The following SCYL1 variants were observed in gnomAD, a reference collection of about 807,000 sequenced individuals.
SCYL1 encodes the protein SCY1 like pseudokinase 1, also known as N-terminal kinase-like protein.
A neutral mutation model predicts 94.8 loss-of-function variants in SCYL1; 85 were observed. That is an observed-to-expected ratio of 0.90 (90% CI 0.75 to 1.07). SCYL1 has a LOEUF of 1.07. Among genes scored for constraint, SCYL1 ranks in the 50% least tolerant of loss-of-function variants. The pLI is 0.00. For missense variants in SCYL1, 968 were observed against 1,083.3 expected (o/e 0.89, Z 1.49); for synonymous variants, 459 against 435.5 (o/e 1.05, Z -0.67).
At position 65,536,150 on chromosome 11, in the gene SCYL1, C is replaced by G. The variant is rs1412378458; in HGVS notation, c.1575+9C>G. 1 of 1,611,836 alleles carries G rather than the reference C, an allele frequency of 6.2e-7. No individual in the cohort carries two copies. The highest frequency in any genetic ancestry group is 1.1e-5 in the South Asian group (1 of 90,836). The stretch of plus-strand genomic sequence containing the variant: ...AATCCGTGCGAGACCAGGTGAGGCA[C>G]AGCTGGGCCTGGGCCCTGGGCTGGG... On this transcript the variant is annotated intron_variant, in intron 11 of 17. Coordinates refer to ENST00000270176, the MANE Select transcript of SCYL1 (RefSeq NM_020680.4).
At chr11:65,531,754 C>T in intron 8 of SCYL1, 71 bp downstream of exon 8, 2 of 1,142,054 alleles carry the variant, frequency 1.8e-6, no homozygotes, top group South Asian at 1.2e-5. Context: ...AGGCACCTGC[C>T]CTGGCTGCAC....
In SCYL1 at chr11:65,526,193, G is replaced by A. The variant is rs371499287; in HGVS notation, c.445G>A (p.Val149Met). 41 of 1,613,358 alleles carry A rather than the reference G, an allele frequency of 2.5e-5. No individual in the cohort carries two copies. Among genetic ancestry groups the A allele is most frequent in the Non-Finnish European group, 3.1e-5 (37 of 1,180,006 alleles). Residue 149 changes from valine (V) to methionine (M), a missense_variant, in exon 4 of 18, where the codon GTG (valine) becomes ATG (methionine). Val to Met is a conservative substitution (Grantham distance 21). Coordinates refer to ENST00000270176, the MANE Select transcript of SCYL1 (RefSeq NM_020680.4). The surrounding 1 kb of genome is among the most constrained non-coding windows in gnomAD (Gnocchi z 4.1). Reference protein sequence around the residue: ...HNNVCMAAVFVDRAGEWKLGG... With the variant: ...HNNVCMAAVFMDRAGEWKLGG... Reference sequence around the variant, plus strand: ...CAATGTCTGCATGGCCGCCGTGTTCGTGGACCGAGCTGGCGAGTGGAAGCT... The same window carrying A: ...CAATGTCTGCATGGCCGCCGTGTTCATGGACCGAGCTGGCGAGTGGAAGCT...
At chr11:65,529,067 GC>G (rs1855237003) in intron 6 of SCYL1, among the ~76,000 whole-genome samples, 1 of 152,192 alleles carries the variant, frequency 6.6e-6, no homozygotes, top group Admixed American at 6.5e-5. Context: ...TCTATGCAAT[GC>G]CCGGCCCCAG....
At position 65,526,499 on chromosome 11, in the gene SCYL1, C is replaced by T. The variant is rs886923147; in HGVS notation, c.602+149C>T. 9.1e-5 allele frequency: 66 copies of T among 728,656 alleles called. 3 individuals are homozygous for T. The South Asian group carries it at 1.2e-3, about 14-fold the overall frequency. 45.1% of individuals were successfully genotyped at this position (728,656 alleles called of 1,614,324 possible). On this transcript the variant is annotated intron_variant, in intron 4 of 17. Coordinates refer to ENST00000270176, the MANE Select transcript of SCYL1 (RefSeq NM_020680.4). The surrounding 1 kb of genome is among the most constrained non-coding windows in gnomAD (Gnocchi z 4.1). The stretch of plus-strand genomic sequence containing the variant: ...CCCAGGAGTGAGGGACACTCCTCTG[C>T]CCCCAGGGTCCTCAGGGCGGTAGGG...
intron 9 of SCYL1, chr11:65,535,023 A>G (rs1855566442): frequency 1.6e-6 from 1 of 614,614 alleles, no homozygotes; most frequent in Non-Finnish European, 2.8e-6. Context: ...AGGAGTGCAG[A>G]CAGACTTTGG....
Position 65,532,695 on chromosome 11 carries a change from G to A in SCYL1, c.1120G>A (p.Glu374Lys). The change falls in exon 9 of 18, where the codon GAG becomes AAG. Residue 374 changes from glutamate to lysine, a missense_variant. Transcript: ENST00000270176. Reference sequence around the variant, plus strand: ...CGCATCCCAACCTGGGCCACAGATGGAGCAGTTCATCCAGTACCTTGACGA... The same window carrying A: ...CGCATCCCAACCTGGGCCACAGATGAAGCAGTTCATCCAGTACCTTGACGA... ...AMRIRLLQQMEQFIQYLDEPT... is the reference protein window; with the variant it reads ...AMRIRLLQQMKQFIQYLDEPT... 1 of 1,613,482 alleles carries A rather than the reference G, an allele frequency of 6.2e-7. No individual in the cohort carries two copies. Among genetic ancestry groups the A allele is most frequent in the Non-Finnish European group, 8.5e-7 (1 of 1,179,446 alleles).
At chr11:65,533,633 A>G in intron 9 of SCYL1, among the ~76,000 whole-genome samples, 1 of 151,472 alleles carries the variant, frequency 6.6e-6, no homozygotes, top group Non-Finnish European at 1.5e-5. Context: ...TACAAAAGTT[A>G]GGCGCGTATG....
chr11:65,535,055 C>G, intron 9 of SCYL1, 172 bp from the exon 10 acceptor site: 1 of 738,034 alleles, frequency 1.4e-6, no homozygotes, highest in Non-Finnish European at 2.2e-6. Context: ...TAAAGGGGGA[C>G]AGAAATGGGG....
At position 65,535,256 on chromosome 11, in the gene SCYL1, C is replaced by T. The variant is rs755526813; in HGVS notation, c.1260C>T (p.Asn420=). ...TGCTGCTCCTGGCCCCAAAGCTGAACGAGGCCAACCTCAATGTGGAGCTGA... is the reference window on the plus strand; with the variant it reads ...TGCTGCTCCTGGCCCCAAAGCTGAATGAGGCCAACCTCAATGTGGAGCTGA... ...KSMLLLAPKL[N]EANLNVELMK... is the part of the protein sequence containing the mutation. The change falls in exon 10 of 18, where the codon AAC becomes AAT. Residue 420 remains asparagine, a synonymous_variant. Coordinates refer to ENST00000270176, the MANE Select transcript of SCYL1 (RefSeq NM_020680.4). The T allele has an allele frequency of 3.8e-5, 62 of 1,614,076 alleles. No individual in the cohort carries two copies. The highest frequency in any genetic ancestry group is 2.0e-4 in the Admixed American group (12 of 60,006).
At position 65,536,751 on chromosome 11, in the gene SCYL1, G is replaced by T. The variant is rs768777716; in HGVS notation, c.1816+1G>T. The T allele has an allele frequency of 1.3e-6, 2 of 1,597,586 alleles. No individual in the cohort carries two copies. Among genetic ancestry groups the T allele is most frequent in the Non-Finnish European group, 8.6e-7 (1 of 1,168,186 alleles). On this transcript the variant is annotated splice_donor_variant, in intron 13 of 17. Coordinates refer to ENST00000270176, the MANE Select transcript of SCYL1 (RefSeq NM_020680.4). LOFTEE classifies it high-confidence loss of function. ...ATTCCCCAAAGACCCACGCCTGAAGGTGAGTGTCCTGGCCTAGCTGCATCA... is the reference window on the plus strand; with the variant it reads ...ATTCCCCAAAGACCCACGCCTGAAGTTGAGTGTCCTGGCCTAGCTGCATCA...
In SCYL1 at chr11:65,537,059, G is replaced by C. The variant is rs1345674551; in HGVS notation, c.1890G>C (p.Glu630Asp). 4 of 1,614,026 alleles carry C rather than the reference G, an allele frequency of 2.5e-6. No homozygotes were observed. Among genetic ancestry groups the C allele is most frequent in the African/African-American group, 1.3e-5 (1 of 74,924 alleles). ...TTSGHWETQE[E>D]DKDTAEDSST... The stretch of plus-strand genomic sequence containing the variant: ...CAGGCCACTGGGAGACGCAGGAGGA[G>C]GACAAGGACACAGCAGAGGACAGCA... Residue 630 changes from glutamate to aspartate, a missense_variant, in exon 14 of 18, where the codon GAG (glutamate) becomes GAC (aspartate). Coordinates refer to ENST00000270176, the MANE Select transcript of SCYL1 (RefSeq NM_020680.4).
chr11:65,536,610 G>C lies in SCYL1; in HGVS notation c.1676G>C (p.Ser559Thr). The stretch of plus-strand genomic sequence containing the variant: ...GAGAAGGATGTCCATGCAGCCTCCA[G>C]CCCTGGCATGGGAGGAGCCGCAGCT... ...EVEKDVHAAS[S>T]PGMGGAAASW... is the part of the protein sequence containing the mutation. Residue 559 changes from serine (S) to threonine (T), a missense_variant, in exon 13 of 18, where the codon AGC (serine) becomes ACC (threonine). By Grantham distance (58) the Ser-to-Thr change is moderately conservative. Transcript: ENST00000270176. 2 of 1,614,016 alleles carry C rather than the reference G, an allele frequency of 1.2e-6. No homozygotes were observed.
chr11:65,531,224 G>A (rs944350739), intron 7 of SCYL1, among the ~76,000 whole-genome samples: 6 of 152,130 alleles, frequency 3.9e-5, no homozygotes, highest in African/African-American at 1.4e-4. Context: ...ACCTTGGGGA[G>A]AACCCTTTCA....
In SCYL1 at chr11:65,535,256, C is replaced by A; in HGVS notation, c.1260C>A (p.Asn420Lys). The A allele has an allele frequency of 6.2e-7, 1 of 1,614,194 alleles. No homozygotes were observed. The highest frequency in any genetic ancestry group is 8.5e-7 in the Non-Finnish European group (1 of 1,180,012). ...KSMLLLAPKL[N>K]EANLNVELMK... is the part of the protein sequence containing the mutation. Reference sequence around the variant, plus strand: ...TGCTGCTCCTGGCCCCAAAGCTGAACGAGGCCAACCTCAATGTGGAGCTGA... The same window carrying A: ...TGCTGCTCCTGGCCCCAAAGCTGAAAGAGGCCAACCTCAATGTGGAGCTGA... The change falls in exon 10 of 18, where the codon AAC becomes AAA. Residue 420 changes from asparagine to lysine, a missense_variant. This residue lies in a region of SCYL1 where 494 missense variants were observed against 619.7 expected (regional missense o/e 0.80). Coordinates refer to ENST00000270176, the MANE Select transcript of SCYL1 (RefSeq NM_020680.4).
intron 7 of SCYL1, among the ~76,000 whole-genome samples, 161 bp from the exon 8 acceptor site, chr11:65,531,415 T>C (rs1855354137): frequency 6.6e-6 from 1 of 152,104 alleles, no homozygotes; most frequent in African/African-American, 2.4e-5. Flanking sequence ...AGGGCAAGGC[T>C]GAGATGGAAT....
Position 65,536,967 on chromosome 11 carries a change from G to A in SCYL1, c.1817-19G>A. The A allele has an allele frequency of 1.2e-6, 2 of 1,604,338 alleles. No individual in the cohort carries two copies. The highest frequency in any genetic ancestry group is 1.7e-6 in the Non-Finnish European group (2 of 1,172,362). On this transcript the variant is annotated intron_variant, in intron 13 of 17. Coordinates refer to ENST00000270176, the MANE Select transcript of SCYL1 (RefSeq NM_020680.4). Reference sequence around the variant, plus strand: ...GTCCCAAGACCCCCCTGAAAGCTCAGTGAGCCTCTGCTCCCCAGGAGTTCC... The same window carrying A: ...GTCCCAAGACCCCCCTGAAAGCTCAATGAGCCTCTGCTCCCCAGGAGTTCC...
chr11:65,525,114 C>A lies in SCYL1; in HGVS notation c.-40C>A. ...CCCCGGCTCGGGCGGCCGGAGGACCCGGAGCTAAGGCGCCCGAACCCGCGG... is the reference window on the plus strand; with the variant it reads ...CCCCGGCTCGGGCGGCCGGAGGACCAGGAGCTAAGGCGCCCGAACCCGCGG... On this transcript the variant is annotated 5_prime_UTR_variant, in exon 1 of 18. Coordinates refer to ENST00000270176, the MANE Select transcript of SCYL1 (RefSeq NM_020680.4). The A allele has an allele frequency of 7.9e-7, 1 of 1,269,974 alleles. No homozygotes were observed. The allele number at this position is 1,269,974 out of a possible 1,614,324, so 78.7% of individuals were successfully genotyped here. A position where few individuals can be genotyped will look rare whatever the true frequency, so the allele number is the denominator to read the frequency against.
rs374654060 is a variant in SCYL1 at position 65,526,972 on chromosome 11, C to T, written c.704C>T (p.Thr235Met). 41 of 1,610,922 alleles carry T rather than the reference C, an allele frequency of 2.5e-5. No homozygotes were observed. Among genetic ancestry groups the T allele is most frequent in the African/African-American group, 6.7e-5 (5 of 74,860 alleles). The change falls in exon 6 of 18, where the codon ACG becomes ATG. Residue 235 changes from threonine (T) to methionine (M), a missense_variant. Physicochemically the swap from Thr to Met is moderately conservative, Grantham distance 81. Coordinates refer to ENST00000270176, the MANE Select transcript of SCYL1 (RefSeq NM_020680.4). The surrounding 1 kb of genome is among the most constrained non-coding windows in gnomAD (Gnocchi z 4.1). ...ALRNPGKIPK[T>M]LVPHYCELVG... ...ACCCCTCCCCTACAGATCCCCAAAACGCTGGTGCCCCATTACTGTGAGCTG... is the reference window on the plus strand; with the variant it reads ...ACCCCTCCCCTACAGATCCCCAAAATGCTGGTGCCCCATTACTGTGAGCTG...
rs143168314 is a variant in SCYL1 at position 65,530,656 on chromosome 11, T to G, written c.877T>G (p.Phe293Val). 731 of 1,613,712 alleles carry G rather than the reference T, an allele frequency of 4.5e-4. 1 individual carries two copies. In the African/African-American group the frequency reaches 8.8e-3, roughly 19 times the overall value. ...CAAAGAGCCAGCCGAGAAGCAAAAA[T>G]TCTTCCAGGAGCTGAGCAAGAGCCT... ...QIKEPAEKQKFFQELSKSLDA... is the reference protein window; with the variant it reads ...QIKEPAEKQKVFQELSKSLDA... Residue 293 changes from phenylalanine (F) to valine (V), a missense_variant, in exon 7 of 18, where the codon TTC (phenylalanine) becomes GTC (valine). Phe to Val is a conservative substitution (Grantham distance 50). Around this residue, in one of 2 missense-constraint regions of SCYL1, gnomAD observed 494 missense variants for 619.7 expected, o/e 0.80. Coordinates refer to ENST00000270176, the MANE Select transcript of SCYL1 (RefSeq NM_020680.4).
Sources: gnomAD v4.1 joint callset for allele counts (sites outside exome capture counted in the v4.1 genomes callset) on GRCh38, gnomAD v4.1.1 for gene constraint, gnomAD v4.1.1 regional missense constraint, Gnocchi (gnomAD v3.1) non-coding constraint, MANE v1.5 for transcripts, NCBI Gene and HGNC (gene_info 2026-07-23, HGNC 2026-07-21) for gene names.